Variants in FAM3D observed in about 807,000 individuals in gnomAD.
FAM3D encodes the protein protein FAM3D.
FAM3D carries 26 observed loss-of-function variants against 29.8 expected under a neutral mutation model. The ratio of observed to expected loss-of-function variants is 0.87; its 90% confidence interval spans 0.64 to 1.21. The LOEUF (loss-of-function observed/expected upper bound fraction) is 1.21. Ranked by LOEUF, FAM3D falls within the 50% of genes most tolerant of loss-of-function variation. The pLI, the probability that FAM3D is intolerant of heterozygous loss-of-function variation, is 0.00. For missense variants in FAM3D, 253 were observed against 290.9 expected (o/e 0.87, Z 0.95); for synonymous variants, 115 against 102.3 (o/e 1.12, Z -0.75).
At chr3:58,646,257 A>T (rs1039815697) in intron 4 of FAM3D, among the ~76,000 whole-genome samples, 1 of 152,226 alleles carries the variant, frequency 6.6e-6, no homozygotes, top group African/African-American at 2.4e-5. Context: ...CTGGAATACA[A>T]CAGAGAACAG....
In FAM3D at chr3:58,648,384, G is replaced by A. The variant is rs184894503; in HGVS notation, c.145+931C>T. On this transcript the variant is annotated intron_variant, in intron 4 of 9. Coordinates refer to ENST00000358781, the MANE Select transcript of FAM3D (RefSeq NM_138805.3). The stretch of plus-strand genomic sequence containing the variant: ...TCACCACCATGTTGAGAAGGAAATG[G>A]AGAGGGCCTGGAGGTGCTGCCTCTT... 5.3e-4 allele frequency among the ~76,000 whole-genome samples: 80 copies of A among 152,268 alleles called. 1 individual carries two copies. Among genetic ancestry groups the A allele is most frequent in the Non-Finnish European group, 9.6e-4 (65 of 68,028 alleles).
At chr3:58,647,630 A>G (rs2066517166) in intron 4 of FAM3D, among the ~76,000 whole-genome samples, 1 of 152,210 alleles carries the variant, frequency 6.6e-6, no homozygotes, top group South Asian at 2.1e-4. Flanking sequence ...TTTTCTGACC[A>G]TCCAGCCTTC....
chr3:58,642,665 G>C (rs1315938916), intron 6 of FAM3D, among the ~76,000 whole-genome samples: 1 of 152,166 alleles, frequency 6.6e-6, no homozygotes, highest in African/African-American at 2.4e-5. Flanking sequence ...CTGGCCTCCT[G>C]TTTAAGTGTG....
intron 1 of FAM3D, among the ~76,000 whole-genome samples, chr3:58,659,286 C>A (rs2066887026): frequency 6.6e-6 from 1 of 152,202 alleles, no homozygotes; most frequent in East Asian, 1.9e-4. Context: ...GCTCTTTCTG[C>A]AGACCCAAAA....
At position 58,648,341 on chromosome 3, in the gene FAM3D, C is replaced by G. The variant is rs374737247; in HGVS notation, c.145+974G>C. 1.2e-4 allele frequency among the ~76,000 whole-genome samples: 19 copies of G among 152,270 alleles called. No homozygotes were observed. In the East Asian group the frequency reaches 3.3e-3, roughly 26 times the overall value. On this transcript the variant is annotated intron_variant, in intron 4 of 9. Coordinates refer to ENST00000358781, the MANE Select transcript of FAM3D (RefSeq NM_138805.3). Reference sequence around the variant, plus strand: ...GCCAGGCAAAATCCTATTTTGGGAGCCACAGCCCTCTTCAGAGTCACCACC... The same window carrying G: ...GCCAGGCAAAATCCTATTTTGGGAGGCACAGCCCTCTTCAGAGTCACCACC...
rs1333371717 is a variant in FAM3D, at chr3:58,634,566, G to T, written c.586-198C>A. Reference sequence around the variant, plus strand: ...AGATGGGATCAGAGCCCAGTTAACTGCTCTCACGCCCTGAAGGGTAACCAG... The same window carrying T: ...AGATGGGATCAGAGCCCAGTTAACTTCTCTCACGCCCTGAAGGGTAACCAG... On this transcript the variant is annotated intron_variant, in intron 9 of 9. Transcript: ENST00000358781. The surrounding 1 kb of genome is among the most constrained non-coding windows in gnomAD (Gnocchi z 4.6). 3.7e-6 allele frequency: 2 copies of T among 534,846 alleles called. No individual in the cohort carries two copies. The highest frequency in any genetic ancestry group is 6.6e-6 in the Non-Finnish European group (2 of 304,274). The allele number at this position is 534,846 out of a possible 1,614,324, so 33.1% of individuals were successfully genotyped here. A position where few individuals can be genotyped will look rare whatever the true frequency, so the allele number is the denominator to read the frequency against.
chr3:58,645,512 C>T lies in FAM3D; in HGVS notation c.260G>A (p.Arg87His), dbSNP rs75529659. The T allele has an allele frequency of 3.5e-4, 559 of 1,609,314 alleles. 1 individual carries two copies. The African/African-American group carries it at 6.0e-3, about 17-fold the overall frequency. ...TAGTTGTGTCTTAGGTACTTACATGCGGTCTTCAAAGCACATAGTAGGGCC... is the reference window on the plus strand; with the variant it reads ...TAGTTGTGTCTTAGGTACTTACATGTGGTCTTCAAAGCACATAGTAGGGCC... ...VVGPTMCFED[R>H]MIMSPVKNNV... is the part of the protein sequence containing the mutation. The change falls in exon 5 of 10, where the codon CGC (arginine) becomes CAC (histidine). Residue 87 changes from arginine (R) to histidine (H), a missense_variant. Coordinates refer to ENST00000358781, the MANE Select transcript of FAM3D (RefSeq NM_138805.3).
At chr3:58,656,881 G>T (rs904525900) in intron 1 of FAM3D, among the ~76,000 whole-genome samples, 2 of 152,090 alleles carry the variant, frequency 1.3e-5, no homozygotes, top group African/African-American at 2.4e-5. Context: ...AGAGGTGCTC[G>T]GGCTGAACCA....
intron 3 of FAM3D, among the ~76,000 whole-genome samples, chr3:58,653,221 C>T (rs1192992874): frequency 6.6e-6 from 1 of 152,128 alleles, no homozygotes; most frequent in African/African-American, 2.4e-5. Flanking sequence ...AGCAGGGCAA[C>T]CTTAGCTGAA....
chr3:58,653,863 C>T (rs1217155121), intron 2 of FAM3D, 82 bp from the exon 3 acceptor site: 5 of 1,030,640 alleles, frequency 4.9e-6, no homozygotes, highest in Admixed American at 1.7e-5. Context: ...TCCCAAATCC[C>T]ACAGACCCCA....
intron 4 of FAM3D, among the ~76,000 whole-genome samples, chr3:58,646,074 C>T (rs1447646934): frequency 1.3e-5 from 2 of 152,222 alleles, no homozygotes; most frequent in Non-Finnish European, 2.9e-5. Flanking sequence ...GGCAAATTCT[C>T]AACCTCCTTG....
At chr3:58,657,785 G>C (rs1232004505) in intron 1 of FAM3D, 1 of 152,348 alleles carries the variant, frequency 6.6e-6, no homozygotes. Context: ...GGGTGGGGAG[G>C]GGGAAAGACA....
At chr3:58,647,716 G>A (rs1279566090) in intron 4 of FAM3D, among the ~76,000 whole-genome samples, 1 of 152,174 alleles carries the variant, frequency 6.6e-6, no homozygotes, top group East Asian at 1.9e-4. Context: ...TTTGCTCTCT[G>A]GGTTCTGGCA....
intron 1 of FAM3D, among the ~76,000 whole-genome samples, chr3:58,665,752 G>A (rs1338741875): frequency 2.0e-5 from 3 of 152,224 alleles, no homozygotes. Flanking sequence ...CTCTCCGTCT[G>A]CAGAGTGGGA....
intron 1 of FAM3D, among the ~76,000 whole-genome samples, chr3:58,665,311 GCT>G (rs1291024599): frequency 2.6e-5 from 4 of 151,870 alleles, no homozygotes; most frequent in Non-Finnish European, 5.9e-5. Flanking sequence ...TGCTTGAGCT[GCT>G]CTGCCCTCCT....
intron 7 of FAM3D, among the ~76,000 whole-genome samples, chr3:58,637,897 A>ATTATTATTATTATTC (rs1301796182): frequency 2.0e-5 from 3 of 151,512 alleles, no homozygotes; most frequent in East Asian, 1.9e-4. Context: ...TATTATTATT[A>ATTATTATTATTATTC]TTCTGACACA....
intron 1 of FAM3D, among the ~76,000 whole-genome samples, chr3:58,663,598 C>T (rs1057292957): frequency 2.0e-5 from 3 of 152,198 alleles, no homozygotes; most frequent in Admixed American, 6.5e-5. Context: ...CACCCTACCC[C>T]TTCCCTCCTG....
chr3:58,643,634 A>T, intron 6 of FAM3D, 28 bp downstream of exon 6: 5 of 1,612,072 alleles, frequency 3.1e-6, no homozygotes, highest in Non-Finnish European at 4.2e-6. Flanking sequence ...CTGGGTGGGA[A>T]CTGTCTGGGG....
At chr3:58,661,125 A>G (rs989982547) in intron 1 of FAM3D, among the ~76,000 whole-genome samples, 9 of 152,216 alleles carry the variant, frequency 5.9e-5, no homozygotes, top group Non-Finnish European at 1.2e-4. Context: ...CTGTGTTCCA[A>G]TAAAACTTTA....
Sources: gnomAD v4.1 joint callset for allele counts (sites outside exome capture counted in the v4.1 genomes callset) on GRCh38, gnomAD v4.1.1 for gene constraint, Gnocchi (gnomAD v3.1) non-coding constraint, MANE v1.5 for transcripts, NCBI Gene and HGNC (gene_info 2026-07-23, HGNC 2026-07-21) for gene names.